Variants in SWAP70 observed in about 807,000 individuals in gnomAD.
The protein encoded by SWAP70 is switch-associated protein 70.
SWAP70 carries 34 observed loss-of-function variants against 80.2 expected under a neutral mutation model. The observed-to-expected ratio is 0.42, with a 90% confidence interval of 0.32 to 0.56. The LOEUF (loss-of-function observed/expected upper bound fraction) is 0.56, where lower values mean the gene tolerates loss of function less well. Ranked by LOEUF, SWAP70 falls within the 20% of genes least tolerant of loss-of-function variation. The pLI is 0.09. For missense variants in SWAP70, 578 were observed against 690.7 expected, an observed-to-expected ratio of 0.84 and a Z score of 1.83; for synonymous variants, 239 against 238.5, an observed-to-expected ratio of 1.00 and a Z score of -0.02.
At chr11:9,674,053 C>T (rs1383116915) in intron 1 of SWAP70, among the ~76,000 whole-genome samples, 1 of 152,146 alleles carries the variant, frequency 6.6e-6, no homozygotes, top group Non-Finnish European at 1.5e-5. Context: ...GTGTATGCCA[C>T]CATACCCGGC....
intron 6 of SWAP70, among the ~76,000 whole-genome samples, chr11:9,731,459 C>G (rs1378658540): frequency 6.6e-6 from 1 of 152,136 alleles, no homozygotes. Flanking sequence ...TAGATAATGA[C>G]AGATATACTC....
intron 3 of SWAP70, among the ~76,000 whole-genome samples, chr11:9,719,093 C>CAAAAAAAAAAA (rs3049796): frequency 3.1e-5 from 3 of 95,724 alleles, no homozygotes; most frequent in African/African-American, 8.6e-5. Flanking sequence ...GACACTGAAT[C>CAAAAAAAAAAA]AAAAAAAAAA....
chr11:9,669,465 A>T (rs1850347598), intron 1 of SWAP70, among the ~76,000 whole-genome samples: 1 of 152,186 alleles, frequency 6.6e-6, no homozygotes, highest in African/African-American at 2.4e-5. Context: ...CCTGACCTCA[A>T]GTGATCCACC....
At chr11:9,685,023 C>CA (rs909950735) in intron 1 of SWAP70, among the ~76,000 whole-genome samples, 2 of 152,024 alleles carry the variant, frequency 1.3e-5, no homozygotes, top group Non-Finnish European at 1.5e-5. Flanking sequence ...CATTTACCTT[C>CA]TTAAAAGACA....
intron 1 of SWAP70, among the ~76,000 whole-genome samples, chr11:9,678,535 C>T (rs10219180): frequency 1.6e-5 from 2 of 126,384 alleles, no homozygotes; most frequent in South Asian, 5.0e-4. Context: ...CACGTAAACT[C>T]TGAGGTGCTT....
intron 1 of SWAP70, among the ~76,000 whole-genome samples, chr11:9,668,651 T>C (rs1002754414): frequency 6.6e-6 from 1 of 152,168 alleles, no homozygotes; most frequent in Non-Finnish European, 1.5e-5. Flanking sequence ...AGATTAGTAT[T>C]TTTAGGCTCT....
intron 1 of SWAP70, among the ~76,000 whole-genome samples, chr11:9,664,874 T>C (rs1314184377): frequency 1.3e-5 from 2 of 152,162 alleles, no homozygotes; most frequent in Non-Finnish European, 2.9e-5. Context: ...CCAGCGTCTT[T>C]TAAGTTTGGA....
At chr11:9,724,937 A>G (rs531382107) in intron 4 of SWAP70, 52 bp downstream of exon 4, 2 of 1,256,136 alleles carry the variant, frequency 1.6e-6, no homozygotes, top group Admixed American at 2.1e-5. Flanking sequence ...TTGACATTTT[A>G]AAATTAATAT....
At chr11:9,673,806 C>T (rs955398183) in intron 1 of SWAP70, among the ~76,000 whole-genome samples, 1 of 151,998 alleles carries the variant, frequency 6.6e-6, no homozygotes, top group African/African-American at 2.4e-5. Context: ...CTACGGCCTG[C>T]CTTGGGGAGA....
rs72484739 is a variant in SWAP70, at chr11:9,727,215, C to T, written c.643-838C>T. On this transcript the variant is annotated intron_variant, in intron 4 of 11. Transcript: ENST00000318950. ...ACCATCTGGCCAACATGTTGAAACC[C>T]CATCTCTATTAAAAATTCAAAAATT... 6.8e-3 allele frequency among the ~76,000 whole-genome samples: 1,038 copies of T among 152,100 alleles called. 4 individuals are homozygous for T. Among genetic ancestry groups the T allele is most frequent in the Non-Finnish European group, 0.012 (820 of 67,988 alleles).
intron 1 of SWAP70, among the ~76,000 whole-genome samples, chr11:9,671,539 GAAATATATAGAAATATATAT>G (rs1479144806): frequency 1.3e-4 from 3 of 22,290 alleles, no homozygotes; most frequent in Non-Finnish European, 3.7e-4. Flanking sequence ...TAAATATATA[GAAATATATAGAAATATATAT>G]AAATATATTT....
At chr11:9,685,441 G>A (rs1249152244) in intron 1 of SWAP70, among the ~76,000 whole-genome samples, 1 of 152,072 alleles carries the variant, frequency 6.6e-6, no homozygotes, top group African/African-American at 2.4e-5. Context: ...CCAAGATCAA[G>A]ATGCTAGCAG....
intron 2 of SWAP70, among the ~76,000 whole-genome samples, chr11:9,696,033 G>T (rs1287088854): frequency 1.3e-5 from 2 of 152,164 alleles, no homozygotes; most frequent in African/African-American, 4.8e-5. Context: ...TTAAAGTGTG[G>T]AAGTGGTGGA....
intron 3 of SWAP70, among the ~76,000 whole-genome samples, chr11:9,721,883 A>C (rs1851143052): frequency 6.6e-6 from 1 of 152,232 alleles, no homozygotes; most frequent in Non-Finnish European, 1.5e-5. Context: ...TAACCAAATT[A>C]TTGGAAATGC....
intron 1 of SWAP70, among the ~76,000 whole-genome samples, chr11:9,690,824 C>T (rs1002583301): frequency 1.3e-5 from 2 of 152,064 alleles, no homozygotes; most frequent in Non-Finnish European, 2.9e-5. Flanking sequence ...AAAGATAGTA[C>T]ACAATTTTTT....
rs902154914 is a variant in SWAP70 at position 9,670,072 on chromosome 11, A to G, written c.99+5794A>G. 5.9e-5 allele frequency among the ~76,000 whole-genome samples: 9 copies of G among 152,312 alleles called. 1 individual carries two copies. In the East Asian group the frequency reaches 1.2e-3, roughly 20 times the overall value. On this transcript the variant is annotated intron_variant, in intron 1 of 11. Coordinates refer to ENST00000318950, the MANE Select transcript of SWAP70 (RefSeq NM_015055.4). ...AACCTGGGAGGCGGAGGTTGCAGTG[A>G]GCCGATATCTCACCCTGTACTCCAG... is the stretch of plus-strand genomic sequence containing the variant.
intron 1 of SWAP70, among the ~76,000 whole-genome samples, chr11:9,672,529 A>AT (rs1850432046): frequency 8.9e-5 from 10 of 112,438 alleles, no homozygotes; most frequent in Admixed American, 6.1e-4. Flanking sequence ...ACACCTGGCT[A>AT]ATTTTTTTTT....
intron 1 of SWAP70, among the ~76,000 whole-genome samples, chr11:9,688,248 A>G (rs1381552751): frequency 1.3e-5 from 2 of 152,258 alleles, no homozygotes; most frequent in African/African-American, 4.8e-5. Flanking sequence ...TGCCATGGGC[A>G]TGCAATGTTG....
In SWAP70 at chr11:9,687,628, G is replaced by A. The variant is rs149196222; in HGVS notation, c.100-6518G>A. Among the ~76,000 whole-genome samples the A allele has an allele frequency of 1.6e-4, 25 of 152,296 alleles. No homozygotes were observed. In the Middle Eastern group the frequency reaches 0.01, roughly 62 times the overall value. The stretch of plus-strand genomic sequence containing the variant: ...GGTGGTTCAGTTAGAGTGTAATCCA[G>A]TGCCATCCATGCTGTATGACATCAG... On this transcript the variant is annotated intron_variant, in intron 1 of 11. Transcript: ENST00000318950.
Sources: gnomAD v4.1 joint callset for allele counts (sites outside exome capture counted in the v4.1 genomes callset) on GRCh38, gnomAD v4.1.1 for gene constraint, MANE v1.5 for transcripts, NCBI Gene and HGNC (gene_info 2026-07-23, HGNC 2026-07-21) for gene names.